Variants in ERC1 observed in about 807,000 individuals in gnomAD.
ERC1 encodes ELKS/RAB6-interacting/CAST family member 1.
ERC1 carries 56 observed loss-of-function variants against 132.0 expected under a neutral mutation model. The observed-to-expected ratio is 0.42, with a 90% CI of 0.34 to 0.53. The LOEUF (loss-of-function observed/expected upper bound fraction) is 0.53. Ranked by LOEUF, ERC1 falls within the 20% of genes least tolerant of loss-of-function variation. The probability of loss-of-function intolerance (pLI) is 0.03; values close to 1 mark genes in which losing one functional copy is unlikely to be tolerated. For synonymous variants in ERC1, 478 were observed against 476.1 expected (o/e 1.00, Z -0.05); for missense variants, 1,202 against 1,349.9 (o/e 0.89, Z 1.72).
At chr12:1,156,387 C>T (rs1028205230) in intron 8 of ERC1, among the ~76,000 whole-genome samples, 6 of 151,930 alleles carry the variant, frequency 3.9e-5, no homozygotes, top group African/African-American at 1.2e-4. Context: ...ATTACAGGCG[C>T]GCACCACCAC....
At chr12:1,313,251 C>G (rs896894169) in intron 15 of ERC1, among the ~76,000 whole-genome samples, 1 of 151,972 alleles carries the variant, frequency 6.6e-6, no homozygotes, top group Admixed American at 6.6e-5. Flanking sequence ...CAACAATCAC[C>G]ATATCAAAGA....
chr12:1,274,392 G>A (rs1594715187), intron 14 of ERC1, among the ~76,000 whole-genome samples: 1 of 152,254 alleles, frequency 6.6e-6, no homozygotes, highest in Middle Eastern at 3.4e-3. Context: ...AATAAAAAAA[G>A]TATAGTATTT....
chr12:1,468,823 CAG>C (rs764708160), intron 18 of ERC1, among the ~76,000 whole-genome samples: 1 of 152,148 alleles, frequency 6.6e-6, no homozygotes, highest in Non-Finnish European at 1.5e-5. Context: ...AAGCTGAGGA[CAG>C]AGAGGCTCAA....
At chr12:1,425,092 C>T (rs1475641652) in intron 17 of ERC1, among the ~76,000 whole-genome samples, 1 of 152,020 alleles carries the variant, frequency 6.6e-6, no homozygotes, top group Non-Finnish European at 1.5e-5. Flanking sequence ...GTTGGAATAG[C>T]ATGCTACTGC....
chr12:1,144,636 G>A (rs1442021851), intron 8 of ERC1, among the ~76,000 whole-genome samples: 9 of 137,728 alleles, frequency 6.5e-5, no homozygotes, highest in African/African-American at 1.9e-4. Flanking sequence ...ATATATATAC[G>A]TGTATATATA....
chr12:999,713 A>T (rs752850968), intron 1 of ERC1, among the ~76,000 whole-genome samples: 4 of 144,234 alleles, frequency 2.8e-5, no homozygotes. Flanking sequence ...CCCCTGCCTC[A>T]GCCTCCCGAG....
At chr12:1,237,418 C>T (rs1261275395) in intron 13 of ERC1, among the ~76,000 whole-genome samples, 2 of 151,960 alleles carry the variant, frequency 1.3e-5, no homozygotes, top group East Asian at 3.9e-4. Context: ...TATTTTTTCA[C>T]TTCAGTGGAG....
At chr12:1,252,961 A>G (rs533562156) in intron 13 of ERC1, among the ~76,000 whole-genome samples, 1 of 152,346 alleles carries the variant, frequency 6.6e-6, no homozygotes, top group South Asian at 2.1e-4. Context: ...GTTGAAGGTA[A>G]CAAAGAATTA....
chr12:1,369,149 A>G (rs528020435), intron 15 of ERC1, among the ~76,000 whole-genome samples: 15 of 152,328 alleles, frequency 9.8e-5, no homozygotes, highest in South Asian at 4.1e-4. Context: ...ACACTATTCC[A>G]ATGGCTCAGA....
intron 11 of ERC1, among the ~76,000 whole-genome samples, chr12:1,186,502 A>G (rs1211758697): frequency 1.3e-5 from 2 of 152,174 alleles, no homozygotes; most frequent in Non-Finnish European, 2.9e-5. Flanking sequence ...AGGATTATTC[A>G]CTGTTACGTC....
chr12:1,274,478 T>TA, intron 14 of ERC1, among the ~76,000 whole-genome samples: 1 of 145,828 alleles, frequency 6.9e-6, no homozygotes, highest in East Asian at 2.0e-4. Flanking sequence ...TATTTTATTT[T>TA]ATTTTATTTA....
At chr12:1,443,108 C>T (rs2093205496) in intron 17 of ERC1, among the ~76,000 whole-genome samples, 1 of 151,938 alleles carries the variant, frequency 6.6e-6, no homozygotes. Context: ...ACCATGTTAG[C>T]CAGGATGGTC....
At chr12:1,069,672 C>G (rs563083230) in intron 2 of ERC1, among the ~76,000 whole-genome samples, 1 of 152,086 alleles carries the variant, frequency 6.6e-6, no homozygotes, top group African/African-American at 2.4e-5. Context: ...AAAGGTAATT[C>G]GGTATGTATA....
chr12:1,022,430 A>G (rs1470081992), intron 1 of ERC1, among the ~76,000 whole-genome samples: 1 of 152,216 alleles, frequency 6.6e-6, no homozygotes, highest in Non-Finnish European at 1.5e-5. Flanking sequence ...TAAAACAAAC[A>G]AGAAAACAAG....
chr12:1,485,571 T>C (rs891173970), intron 18 of ERC1, among the ~76,000 whole-genome samples: 7 of 152,166 alleles, frequency 4.6e-5, no homozygotes, highest in African/African-American at 1.7e-4. Context: ...CTTCTGTGAG[T>C]TTTTTGTTCA....
intron 17 of ERC1, among the ~76,000 whole-genome samples, chr12:1,439,518 T>C (rs1001170699): frequency 6.6e-6 from 1 of 152,250 alleles, no homozygotes; most frequent in African/African-American, 2.4e-5. Flanking sequence ...TCCCTTTTTA[T>C]AATTTAAATT....
At chr12:1,207,067 C>T (rs1957411829) in intron 12 of ERC1, among the ~76,000 whole-genome samples, 1 of 152,034 alleles carries the variant, frequency 6.6e-6, no homozygotes, top group African/African-American at 2.4e-5. Context: ...ACTTTGCCCC[C>T]CAAAAAATCC....
chr12:1,420,922 G>C lies in ERC1; in HGVS notation c.3024+12675G>C, dbSNP rs1004998263. Among the ~76,000 whole-genome samples the C allele has an allele frequency of 1.7e-4, 14 of 80,344 alleles. No individual in the cohort carries two copies. In the South Asian group the frequency reaches 4.4e-3, roughly 25 times the overall value. 52.7% of individuals were successfully genotyped at this position (80,344 alleles called of 152,430 possible). Reference sequence around the variant, plus strand: ...GTTTGTTTGTTTGGTTTTGGTTTGGGGGGGGGGGGGGTTAATTATAAAGCA... The same window carrying C: ...GTTTGTTTGTTTGGTTTTGGTTTGGCGGGGGGGGGGGTTAATTATAAAGCA... On this transcript the variant is annotated intron_variant, in intron 17 of 18. Coordinates refer to ENST00000360905, the MANE Select transcript of ERC1 (RefSeq NM_178040.4).
At chr12:1,019,851 C>A (rs1201331053) in intron 1 of ERC1, among the ~76,000 whole-genome samples, 1 of 152,140 alleles carries the variant, frequency 6.6e-6, no homozygotes, top group Non-Finnish European at 1.5e-5. Flanking sequence ...AAGCAATCTT[C>A]CTGCCTCAGC....
Sources: allele counts gnomAD v4.1 joint callset (sites outside exome capture counted in the v4.1 genomes callset), GRCh38; gene constraint gnomAD v4.1.1; transcripts MANE v1.5; gene names NCBI Gene and HGNC (gene_info 2026-07-23, HGNC 2026-07-21).